FAM193A: variants seen among roughly 807,000 people sequenced by gnomAD.
The protein encoded by FAM193A is family with sequence similarity 193 member A, also known as protein FAM193A.
Under a neutral mutation model 126.5 loss-of-function variants are expected in FAM193A, and 22 were observed. The ratio of observed to expected loss-of-function variants is 0.17; its 90% CI spans 0.12 to 0.25. The LOEUF is 0.25. Ranked by LOEUF, FAM193A falls within the 10% of genes least tolerant of loss-of-function variation. The probability of loss-of-function intolerance (pLI) is 1.00; values close to 1 mark genes in which losing one functional copy is unlikely to be tolerated. For missense variants in FAM193A, 1,675 were observed against 1,672.8 expected (o/e 1.00, Z -0.02); for synonymous variants, 761 against 646.8 (o/e 1.18, Z -2.68).
At chr4:2,731,740 T>G (rs750166395) in intron 20 of FAM193A, 35 bp from the exon 21 acceptor site, 1 of 1,550,872 alleles carries the variant, frequency 6.4e-7, no homozygotes, top group Non-Finnish European at 8.9e-7. Context: ...GTGGGCTGTT[T>G]CCTTCAGTGA....
chr4:2,638,396 T>C (rs1744298343), intron 5 of FAM193A, among the ~76,000 whole-genome samples: 1 of 152,222 alleles, frequency 6.6e-6, no homozygotes, highest in Admixed American at 6.5e-5. Context: ...TGGGTATCAG[T>C]TACCTGGCCC....
At chr4:2,716,311 G>C (rs1577263038) in intron 20 of FAM193A, among the ~76,000 whole-genome samples, 1 of 152,262 alleles carries the variant, frequency 6.6e-6, no homozygotes, top group African/African-American at 2.4e-5. Flanking sequence ...AATCACTTCT[G>C]CTCCCCCTCA....
chr4:2,590,904 G>C (rs1017999261), intron 1 of FAM193A, among the ~76,000 whole-genome samples: 2 of 151,896 alleles, frequency 1.3e-5, no homozygotes, highest in South Asian at 4.2e-4. Context: ...GCGCGCGCCT[G>C]TAATCCCAGC....
rs1241652067 is a variant in FAM193A, at chr4:2,709,075, C to T, written c.4373-6948C>T. On this transcript the variant is annotated intron_variant, in intron 19 of 20. Coordinates refer to ENST00000637812, the MANE Select transcript of FAM193A (RefSeq NM_001366318.2). ...AATTTAATGTTAAAAAAAAATCCAG[C>T]GATTCCTCATCTCTTGAGTGTTTTT... 2.6e-5 allele frequency among the ~76,000 whole-genome samples: 4 copies of T among 152,098 alleles called. 1 individual carries two copies. In the East Asian group the frequency reaches 5.8e-4, roughly 22 times the overall value.
intron 2 of FAM193A, among the ~76,000 whole-genome samples, chr4:2,619,966 C>T (rs1362406656): frequency 1.3e-5 from 2 of 152,100 alleles, no homozygotes; most frequent in Non-Finnish European, 2.9e-5. Flanking sequence ...GCTGGGATTA[C>T]AAGCGTGAGC....
At chr4:2,588,070 T>C (rs984465014) in intron 1 of FAM193A, among the ~76,000 whole-genome samples, 1 of 152,178 alleles carries the variant, frequency 6.6e-6, no homozygotes, top group Non-Finnish European at 1.5e-5. Context: ...AAAAGATTGC[T>C]GGTGCTCACA....
In FAM193A at chr4:2,693,697, T is replaced by C. The variant is rs757197457; in HGVS notation, c.2915T>C (p.Leu972Pro). ...CTCCCAGCGCTCTCGCCTGCTGCGC[T>C]GTCACCTGCTGCGCTCTCACCTGCC... ...APLPALSPAA[L>P]SPAALSPAST... Residue 972 changes from leucine to proline, a missense_variant, in exon 16 of 21, where the codon CTG (leucine) becomes CCG (proline). Coordinates refer to ENST00000637812, the MANE Select transcript of FAM193A (RefSeq NM_001366318.2). 6.2e-7 allele frequency: 1 copy of C among 1,614,180 alleles called. No homozygotes were observed. Among genetic ancestry groups the C allele is most frequent in the Non-Finnish European group, 8.5e-7 (1 of 1,180,038 alleles).
At chr4:2,680,221 T>TAG (rs1427252907) in intron 13 of FAM193A, among the ~76,000 whole-genome samples, 1 of 152,210 alleles carries the variant, frequency 6.6e-6, no homozygotes, top group Non-Finnish European at 1.5e-5. Flanking sequence ...TGTTCAGACT[T>TAG]TTCTATTTCT....
At position 2,670,142 on chromosome 4, in the gene FAM193A, C is replaced by G. The variant is rs1459065240; in HGVS notation, c.2080-1979C>G. Among the ~76,000 whole-genome samples the G allele has an allele frequency of 2.0e-5, 3 of 152,330 alleles. No individual in the cohort carries two copies. In the South Asian group the frequency reaches 6.2e-4, roughly 32 times the overall value. On this transcript the variant is annotated intron_variant, in intron 12 of 20. Coordinates refer to ENST00000637812, the MANE Select transcript of FAM193A (RefSeq NM_001366318.2). ...CATACTTTCCCCTCATCTCTTCTCTCTCTTCCTAGATCAGTTCCATTGCTC... is the reference window on the plus strand; with the variant it reads ...CATACTTTCCCCTCATCTCTTCTCTGTCTTCCTAGATCAGTTCCATTGCTC...
chr4:2,622,569 C>T (rs1221594148), intron 2 of FAM193A, among the ~76,000 whole-genome samples: 1 of 152,100 alleles, frequency 6.6e-6, no homozygotes, highest in Non-Finnish European at 1.5e-5. Flanking sequence ...TTAGCATGCT[C>T]AGGCTGCTGC....
chr4:2,615,775 C>T (rs1193046652), intron 2 of FAM193A, among the ~76,000 whole-genome samples: 2 of 152,144 alleles, frequency 1.3e-5, no homozygotes, highest in African/African-American at 2.4e-5. Flanking sequence ...CCTCGGCCTC[C>T]GAAAGTGCTG....
intron 1 of FAM193A, among the ~76,000 whole-genome samples, chr4:2,576,549 G>A (rs528579605): frequency 1.3e-5 from 2 of 152,280 alleles, no homozygotes; most frequent in South Asian, 4.1e-4. Context: ...ACCCCAGTCT[G>A]GGTGACATAG....
intron 1 of FAM193A, among the ~76,000 whole-genome samples, chr4:2,544,309 C>A (rs1737418202): frequency 1.3e-5 from 2 of 152,126 alleles, no homozygotes; most frequent in African/African-American, 4.8e-5. Context: ...GCCATGATCC[C>A]AGCACTTTGG....
At chr4:2,551,259 C>CT (rs1241325733) in intron 1 of FAM193A, among the ~76,000 whole-genome samples, 4 of 152,170 alleles carry the variant, frequency 2.6e-5, no homozygotes, top group African/African-American at 9.6e-5. Flanking sequence ...AACCAGAAGT[C>CT]TTTTGGATTT....
chr4:2,575,064 G>A (rs541566392), intron 1 of FAM193A, among the ~76,000 whole-genome samples: 2 of 152,312 alleles, frequency 1.3e-5, no homozygotes, highest in South Asian at 2.1e-4. Flanking sequence ...CAGGCCTTGG[G>A]TTAAAGGCAG....
intron 13 of FAM193A, among the ~76,000 whole-genome samples, chr4:2,684,956 C>T (rs999042101): frequency 2.0e-5 from 3 of 152,298 alleles, no homozygotes; most frequent in South Asian, 2.1e-4. Context: ...GCTCCTTCCA[C>T]GTGGCCTAGG....
chr4:2,565,454 C>G (rs1354976832), intron 1 of FAM193A, among the ~76,000 whole-genome samples: 1 of 151,898 alleles, frequency 6.6e-6, no homozygotes, highest in Non-Finnish European at 1.5e-5. Context: ...GACAAGTTTT[C>G]ACCGTGTTGG....
At chr4:2,719,562 A>G (rs777631132) in intron 20 of FAM193A, among the ~76,000 whole-genome samples, 1 of 152,008 alleles carries the variant, frequency 6.6e-6, no homozygotes, top group African/African-American at 2.4e-5. Context: ...CCTGACCAAC[A>G]TGGAGAAACC....
At chr4:2,710,851 CTTT>C (rs35045989) in intron 19 of FAM193A, among the ~76,000 whole-genome samples, 10 of 116,280 alleles carry the variant, frequency 8.6e-5, no homozygotes, top group Admixed American at 1.9e-4. Flanking sequence ...TCTGTGCTTT[CTTT>C]TTTTTTTTTT....
Sources: allele counts gnomAD v4.1 joint callset (sites outside exome capture counted in the v4.1 genomes callset), GRCh38; gene constraint gnomAD v4.1.1; transcripts MANE v1.5; gene names NCBI Gene and HGNC (gene_info 2026-07-23, HGNC 2026-07-21).